The following UBA6 variants were observed in gnomAD, a reference collection of about 807,000 sequenced individuals.
The protein encoded by UBA6 is ubiquitin-like modifier-activating enzyme 6.
Under a neutral mutation model 148.3 loss-of-function variants are expected in UBA6, and 87 were observed. The observed-to-expected ratio is 0.59, with a 90% CI of 0.49 to 0.70. The LOEUF (loss-of-function observed/expected upper bound fraction) is 0.70. UBA6 is among the 30% of genes least tolerant of loss of function. UBA6 has a pLI of 0.00. For missense variants in UBA6, 1,186 were observed against 1,241.2 expected (o/e 0.96, Z 0.67); for synonymous variants, 376 against 401.0 (o/e 0.94, Z 0.75).
At chr4:67,668,305 C>T (rs145373046) in intron 9 of UBA6, among the ~76,000 whole-genome samples, 4 of 152,248 alleles carry the variant, frequency 2.6e-5, no homozygotes, top group Middle Eastern at 6.8e-3. Context: ...TTAATCAAGA[C>T]ACCCTGTCCC....
At chr4:67,691,071 C>T (rs1730683248) in intron 2 of UBA6, among the ~76,000 whole-genome samples, 1 of 151,890 alleles carries the variant, frequency 6.6e-6, no homozygotes, top group African/African-American at 2.4e-5. Context: ...TTCAAACACA[C>T]AGGTCCATTT....
chr4:67,625,283 C>A, intron 28 of UBA6, 96 bp from the exon 29 acceptor site: 1 of 952,862 alleles, frequency 1.0e-6, no homozygotes, highest in Admixed American at 2.6e-5. Context: ...TCAAAGATTC[C>A]TTTTTATATT....
rs1482358923 is a variant in UBA6 at position 67,639,009 on chromosome 4, A to G, written c.1670T>C (p.Phe557Ser). 1 of 1,612,884 alleles carries G rather than the reference A, an allele frequency of 6.2e-7. No homozygotes were observed. Among genetic ancestry groups the G allele is most frequent in the Non-Finnish European group, 8.5e-7 (1 of 1,179,176 alleles). ...AATAATTACATCTTGTTTAGTATAG[A>G]ACTCATCATTGTAAATGGTCTCAGT... ...PTTETIYNDE[F>S]YTKQDVIITA... Residue 557 changes from phenylalanine to serine, a missense_variant, in exon 19 of 33, where the codon TTC (phenylalanine) becomes TCC (serine). Physicochemically the swap from Phe to Ser is radical, Grantham distance 155 (BLOSUM62 -2). Transcript: ENST00000322244.
intron 2 of UBA6, among the ~76,000 whole-genome samples, chr4:67,691,456 G>A (rs1309392783): frequency 1.3e-5 from 2 of 152,166 alleles, no homozygotes; most frequent in East Asian, 3.9e-4. Context: ...ATTGTGGTGA[G>A]CTTAAGTGAT....
intron 2 of UBA6, among the ~76,000 whole-genome samples, chr4:67,682,615 A>C (rs1730469982): frequency 6.6e-6 from 1 of 152,196 alleles, no homozygotes; most frequent in African/African-American, 2.4e-5. Flanking sequence ...CTGAGGCAAC[A>C]ACAACAAAAA....
chr4:67,621,240 T>C (rs1348375191), intron 32 of UBA6, among the ~76,000 whole-genome samples: 1 of 152,212 alleles, frequency 6.6e-6, no homozygotes, highest in African/African-American at 2.4e-5. Flanking sequence ...GCTAATAAAA[T>C]AGTAGTTTTA....
At chr4:67,695,552 A>C (rs1310763945) in intron 2 of UBA6, among the ~76,000 whole-genome samples, 1 of 143,340 alleles carries the variant, frequency 7.0e-6, no homozygotes, top group Non-Finnish European at 1.6e-5. Flanking sequence ...TTTGTCTGCC[A>C]CTCCTATCAA....
In UBA6 at chr4:67,701,103, G is replaced by C. The variant is rs367922190; in HGVS notation, c.17C>G (p.Pro6Arg). ...CTCTTCCCCCTGATGGGCGGCCACAGGCTCGGATCCTTCCATTGCCGCCTG... is the reference window on the plus strand; with the variant it reads ...CTCTTCCCCCTGATGGGCGGCCACACGCTCGGATCCTTCCATTGCCGCCTG... MEGSE[P>R]VAAHQGEEAS... The change falls in exon 1 of 33, where the codon CCT becomes CGT. Residue 6 changes from proline (P) to arginine (R), a missense_variant. Transcript: ENST00000322244. The C allele has an allele frequency of 6.2e-7, 1 of 1,613,500 alleles. No homozygotes were observed. Among genetic ancestry groups the C allele is most frequent in the African/African-American group, 1.3e-5 (1 of 74,922 alleles).
intron 32 of UBA6, among the ~76,000 whole-genome samples, chr4:67,621,599 T>A (rs1728752832): frequency 6.6e-6 from 1 of 151,676 alleles, no homozygotes; most frequent in African/African-American, 2.4e-5. Context: ...AGGTCAGGAG[T>A]TCAAGACCAG....
Position 67,616,252 on chromosome 4 carries a change from T to C in UBA6, c.*2745A>G. 2.5e-6 allele frequency: 1 copy of C among 393,624 alleles called. No individual in the cohort carries two copies. Among genetic ancestry groups the C allele is most frequent in the Non-Finnish European group, 4.5e-6 (1 of 222,822 alleles). The allele number at this position is 393,624 out of a possible 1,614,324, so 24.4% of individuals were successfully genotyped here. A position where few individuals can be genotyped will look rare whatever the true frequency, so the allele number is the denominator to read the frequency against. ...ATCCATACACAGTGATTATATAAAATTAGATATTTGCAATCACAATGAATA... is the reference window on the plus strand; with the variant it reads ...ATCCATACACAGTGATTATATAAAACTAGATATTTGCAATCACAATGAATA... On this transcript the variant is annotated 3_prime_UTR_variant, in exon 33 of 33. Coordinates refer to ENST00000322244, the MANE Select transcript of UBA6 (RefSeq NM_018227.6).
chr4:67,663,169 T>A lies in UBA6; in HGVS notation c.1007A>T (p.Gln336Leu). 1 of 1,611,508 alleles carries A rather than the reference T, an allele frequency of 6.2e-7. No individual in the cohort carries two copies. Among genetic ancestry groups the A allele is most frequent in the Non-Finnish European group, 8.5e-7 (1 of 1,179,096 alleles). The change falls in exon 12 of 33, where the codon CAG becomes CTG. Residue 336 changes from glutamine (Q) to leucine (L), a missense_variant. Physicochemically the swap from Gln to Leu is moderately radical, Grantham distance 113. Coordinates refer to ENST00000322244, the MANE Select transcript of UBA6 (RefSeq NM_018227.6). ...HTAMLALDQF[Q>L]EKYSRKPNVG... ...ATTTGGCTTGCGACTGTATTTCTCC[T>A]GAAACTGGTCCAAGGCAAGCATAGC...
Position 67,678,413 on chromosome 4 carries a change from A to G in UBA6, c.353+26T>C, listed in dbSNP as rs201851024. 1.9e-5 allele frequency: 27 copies of G among 1,415,990 alleles called. No homozygotes were observed. The Admixed American group carries it at 4.5e-4, about 23-fold the overall frequency. 87.7% of individuals were successfully genotyped at this position (1,415,990 alleles called of 1,614,324 possible). On this transcript the variant is annotated intron_variant, in intron 5 of 32. Coordinates refer to ENST00000322244, the MANE Select transcript of UBA6 (RefSeq NM_018227.6). ...TAAGTAAATAAATTTAAAAAAACTC[A>G]TGATAATACATCAAAATATCTTTAC...
At chr4:67,630,947 A>G (rs1180645004) in intron 25 of UBA6, among the ~76,000 whole-genome samples, 1 of 152,228 alleles carries the variant, frequency 6.6e-6, no homozygotes, top group Non-Finnish European at 1.5e-5. Flanking sequence ...AAAGTCTTAT[A>G]GAAGAAGCAG....
chr4:67,689,564 T>C (rs184729769), intron 2 of UBA6, among the ~76,000 whole-genome samples: 141 of 152,230 alleles, frequency 9.3e-4, no homozygotes, highest in African/African-American at 3.3e-3. Flanking sequence ...CTGTCAGAAT[T>C]TTCCAGATAT....
chr4:67,673,433 A>G (rs1730199140), intron 7 of UBA6, among the ~76,000 whole-genome samples: 1 of 151,890 alleles, frequency 6.6e-6, no homozygotes, highest in Non-Finnish European at 1.5e-5. Context: ...AAAAAAAAAA[A>G]AAAAAATTAG....
rs1728579475 is a variant in UBA6, at chr4:67,613,840, G to A, written c.*5157C>T. 2.0e-5 allele frequency: 3 copies of A among 152,078 alleles called. No individual in the cohort carries two copies. The East Asian group carries it at 5.8e-4, about 29-fold the overall frequency. The allele number at this position is 152,078 out of a possible 1,614,324, so 9.4% of individuals were successfully genotyped here. On this transcript the variant is annotated 3_prime_UTR_variant, in exon 33 of 33. Coordinates refer to ENST00000322244, the MANE Select transcript of UBA6 (RefSeq NM_018227.6). ...TTCCAATCTGACTCTGGCATAACAA[G>A]AAAGAAAATCAAAATATTTTACCCC...
chr4:67,656,999 G>C (rs147421924), intron 13 of UBA6, among the ~76,000 whole-genome samples: 158 of 152,262 alleles, frequency 1.0e-3, no homozygotes, highest in African/African-American at 3.6e-3. Context: ...TCCTCAAGGA[G>C]AAGTACAACC....
Position 67,630,459 on chromosome 4 carries a change from A to G in UBA6, c.2328+7T>C, listed in dbSNP as rs1480927075. ...CATCACTTGCTAAGGCTTAAAGAAT[A>G]TCTTACCTCTTCTGCAAATGGAATA... On this transcript the variant is annotated splice_region_variant and intron_variant, in intron 26 of 32. Transcript: ENST00000322244. 6.3e-7 allele frequency: 1 copy of G among 1,578,548 alleles called. No individual in the cohort carries two copies. Among genetic ancestry groups the G allele is most frequent in the African/African-American group, 1.3e-5 (1 of 74,132 alleles).
At chr4:67,685,711 C>T (rs533846545) in intron 2 of UBA6, among the ~76,000 whole-genome samples, 34 of 152,144 alleles carry the variant, frequency 2.2e-4, no homozygotes, top group African/African-American at 8.0e-4. Flanking sequence ...TTGATTAATA[C>T]CATTATTGTA....
Sources: gnomAD v4.1 joint callset for allele counts (sites outside exome capture counted in the v4.1 genomes callset) on GRCh38, gnomAD v4.1.1 for gene constraint, MANE v1.5 for transcripts, NCBI Gene and HGNC (gene_info 2026-07-23, HGNC 2026-07-21) for gene names.